The following FMN1 variants were observed in gnomAD, a reference collection of about 807,000 sequenced individuals.
The protein encoded by FMN1 is formin 1, also known as formin-1.
In FMN1, 110 loss-of-function variants were observed where a neutral mutation model predicts 132.4. The observed-to-expected ratio is 0.83, with a 90% CI of 0.71 to 0.97. The LOEUF (loss-of-function observed/expected upper bound fraction) is 0.97. FMN1 is among the 50% of genes least tolerant of loss of function. The pLI is 0.00. For missense variants in FMN1, 1,792 were observed against 1,705.3 expected (o/e 1.05, Z -0.90); for synonymous variants, 722 against 651.7 (o/e 1.11, Z -1.64).
intron 5 of FMN1, among the ~76,000 whole-genome samples, chr15:33,082,753 C>T (rs1189647669): frequency 3.9e-5 from 6 of 151,994 alleles, no homozygotes; most frequent in African/African-American, 7.3e-5. Flanking sequence ...ATGGGCGCTC[C>T]GGGGTGACTG....
At chr15:33,072,959 G>A (rs953672945) in intron 5 of FMN1, among the ~76,000 whole-genome samples, 5 of 151,328 alleles carry the variant, frequency 3.3e-5, no homozygotes, top group African/African-American at 1.2e-4. Flanking sequence ...CATCAGTCTA[G>A]TAAGTGTATA....
At chr15:32,799,857 G>A (rs2057418994) in intron 18 of FMN1, among the ~76,000 whole-genome samples, 2 of 152,166 alleles carry the variant, frequency 1.3e-5, no homozygotes, top group South Asian at 2.1e-4. Context: ...CATTTGCCAT[G>A]AGCAAGAACA....
chr15:32,879,808 T>C (rs1419612339), intron 16 of FMN1, among the ~76,000 whole-genome samples: 1 of 152,214 alleles, frequency 6.6e-6, no homozygotes, highest in Non-Finnish European at 1.5e-5. Flanking sequence ...CCAGCCTCTG[T>C]CATTGAAACT....
intron 17 of FMN1, among the ~76,000 whole-genome samples, chr15:32,853,219 A>C (rs1398441310): frequency 2.6e-5 from 4 of 152,172 alleles, no homozygotes; most frequent in African/African-American, 9.7e-5. Context: ...TCAACTCTAA[A>C]CAAAAATATC....
chr15:33,090,318 G>A (rs1318282741), intron 4 of FMN1, among the ~76,000 whole-genome samples: 6 of 152,118 alleles, frequency 3.9e-5, no homozygotes, highest in African/African-American at 1.4e-4. Flanking sequence ...AGAGCTGAGA[G>A]TAAAAGTCAG....
rs149644418 is a variant in FMN1, at chr15:33,074,384, C to T, written c.2044-9310G>A. Among the ~76,000 whole-genome samples, 884 of 152,294 alleles carry T rather than the reference C, an allele frequency of 5.8e-3. 12 individuals carry two copies. The highest frequency in any genetic ancestry group is 0.02 in the African/African-American group (837 of 41,554). The stretch of plus-strand genomic sequence containing the variant: ...CTGTGGCGTTCCTCTGCCAATGCAA[C>T]GCTTACAACAGCCTCTCTGGGTCAT... On this transcript the variant is annotated intron_variant, in intron 5 of 20. Coordinates refer to ENST00000616417, the MANE Select transcript of FMN1 (RefSeq NM_001277313.2).
Position 32,769,474 on chromosome 15 carries a change from GTAAC to G in FMN1, c.*4832_*4835del, listed in dbSNP as rs2056154419. 1 of 152,218 alleles carries G rather than the reference GTAAC, an allele frequency of 6.6e-6. No individual in the cohort carries two copies. The highest frequency in any genetic ancestry group is 2.1e-4 in the South Asian group (1 of 4,830). 9.4% of individuals were successfully genotyped at this position (152,218 alleles called of 1,614,324 possible). A position where few individuals can be genotyped will look rare whatever the true frequency, so the allele number is the denominator to read the frequency against. ...GGCTTCCCAGTCACAGACAAGCTGT[GTAAC>G]TGAGCCCGGTTATGCCTGGATTCAA... On this transcript the variant is annotated 3_prime_UTR_variant, in exon 21 of 21. Transcript: ENST00000616417.
At chr15:33,128,647 G>A (rs1268369895) in intron 4 of FMN1, among the ~76,000 whole-genome samples, 1 of 152,180 alleles carries the variant, frequency 6.6e-6, no homozygotes, top group Non-Finnish European at 1.5e-5. Flanking sequence ...TAAAGACGGT[G>A]CGTCCGGATG....
intron 3 of FMN1, among the ~76,000 whole-genome samples, chr15:33,173,988 TA>T (rs900181675): frequency 6.6e-6 from 1 of 152,016 alleles, no homozygotes; most frequent in Non-Finnish European, 1.5e-5. Flanking sequence ...AAGGAGCTTT[TA>T]AGAGGTCAAT....
At chr15:32,994,093 C>CATCGATCAGTGAGATAGCATATT (rs1190121428) in intron 7 of FMN1, among the ~76,000 whole-genome samples, 39 of 152,054 alleles carry the variant, frequency 2.6e-4, no homozygotes, top group African/African-American at 8.5e-4. Context: ...CATAGGCCAT[C>CATCGATCAGTGAGATAGCATATT]ATCGATCAGT....
At chr15:33,015,891 GATA>G (rs1446220803) in intron 6 of FMN1, among the ~76,000 whole-genome samples, 1 of 152,176 alleles carries the variant, frequency 6.6e-6, no homozygotes, top group Non-Finnish European at 1.5e-5. Context: ...TGATTTCACT[GATA>G]ATGCTTCCCA....
chr15:32,955,516 A>C (rs1021690309), intron 9 of FMN1, among the ~76,000 whole-genome samples: 3 of 152,066 alleles, frequency 2.0e-5, no homozygotes, highest in Non-Finnish European at 4.4e-5. Flanking sequence ...TCCCAAGCAC[A>C]GGCGCTCAGC....
chr15:32,838,363 C>T (rs2058672966), intron 17 of FMN1, among the ~76,000 whole-genome samples: 1 of 152,216 alleles, frequency 6.6e-6, no homozygotes, highest in Non-Finnish European at 1.5e-5. Context: ...TGAGAACAGT[C>T]TGGAGACTGA....
At chr15:32,994,570 T>A (rs2033652885) in intron 7 of FMN1, among the ~76,000 whole-genome samples, 1 of 152,196 alleles carries the variant, frequency 6.6e-6, no homozygotes, top group Non-Finnish European at 1.5e-5. Context: ...TTTATCAATA[T>A]CTGTTTCTCT....
intron 17 of FMN1, among the ~76,000 whole-genome samples, chr15:32,837,693 T>C (rs2058659291): frequency 6.6e-6 from 1 of 152,164 alleles, no homozygotes; most frequent in Non-Finnish European, 1.5e-5. Flanking sequence ...TCCTGAAAGG[T>C]GGAGTAAGAT....
intron 7 of FMN1, among the ~76,000 whole-genome samples, chr15:33,004,349 A>C (rs1190971797): frequency 6.6e-6 from 1 of 152,214 alleles, no homozygotes; most frequent in Non-Finnish European, 1.5e-5. Context: ...ATTTACAAGA[A>C]AAAAACAACC....
At chr15:33,005,751 T>G (rs2034381326) in intron 7 of FMN1, among the ~76,000 whole-genome samples, 1 of 152,166 alleles carries the variant, frequency 6.6e-6, no homozygotes, top group South Asian at 2.1e-4. Flanking sequence ...CAGAATCACT[T>G]CTGTTCCTGC....
chr15:33,125,886 T>C (rs1963014820), intron 4 of FMN1, among the ~76,000 whole-genome samples: 2 of 152,314 alleles, frequency 1.3e-5, no homozygotes, highest in East Asian at 3.9e-4. Context: ...CATGACTGAT[T>C]GGCTATAGCC....
intron 19 of FMN1, among the ~76,000 whole-genome samples, chr15:32,794,810 A>G (rs986270189): frequency 1.3e-5 from 2 of 152,216 alleles, no homozygotes; most frequent in African/African-American, 4.8e-5. Flanking sequence ...TAAACCTTGG[A>G]TTATGATACA....
Sources: allele counts gnomAD v4.1 joint callset (sites outside exome capture counted in the v4.1 genomes callset), GRCh38; gene constraint gnomAD v4.1.1; transcripts MANE v1.5; gene names NCBI Gene and HGNC (gene_info 2026-07-23, HGNC 2026-07-21).